The following FRAS1 variants were observed in gnomAD, a reference collection of about 807,000 sequenced individuals.
FRAS1 encodes Fraser extracellular matrix complex subunit 1, also known as extracellular matrix organizing protein FRAS1.
Under a neutral mutation model 435.2 loss-of-function variants are expected in FRAS1, and 290 were observed. The observed-to-expected ratio is 0.67, with a 90% CI of 0.61 to 0.73. The LOEUF (loss-of-function observed/expected upper bound fraction) is 0.73. Ranked by LOEUF, FRAS1 falls within the 30% of genes least tolerant of loss-of-function variation. FRAS1 has a pLI of 0.00. For missense variants in FRAS1, 4,860 were observed against 5,001.5 expected (o/e 0.97, Z 0.85); for synonymous variants, 1,800 against 1,851.0 (o/e 0.97, Z 0.71).
At chr4:78,123,729 C>T (rs1719168243) in intron 2 of FRAS1, among the ~76,000 whole-genome samples, 1 of 152,110 alleles carries the variant, frequency 6.6e-6, no homozygotes, top group South Asian at 2.1e-4. Context: ...ATTTTATTCT[C>T]TTAGTAGCAA....
At chr4:78,381,181 C>T (rs907655607) in intron 27 of FRAS1, among the ~76,000 whole-genome samples, 2 of 152,128 alleles carry the variant, frequency 1.3e-5, no homozygotes, top group African/African-American at 4.8e-5. Flanking sequence ...CTTCCATCCT[C>T]GAAGGACAAA....
At chr4:78,128,194 A>G (rs942135930) in intron 2 of FRAS1, among the ~76,000 whole-genome samples, 1 of 152,070 alleles carries the variant, frequency 6.6e-6, no homozygotes, top group African/African-American at 2.4e-5. Context: ...GCTATTGTGA[A>G]TAGTGCCACA....
At chr4:78,079,847 C>T (rs1740816440) in intron 2 of FRAS1, among the ~76,000 whole-genome samples, 1 of 152,120 alleles carries the variant, frequency 6.6e-6, no homozygotes, top group South Asian at 2.1e-4. Flanking sequence ...TGATTTACTA[C>T]ACAGCCAAGT....
At chr4:78,380,124 A>G in intron 27 of FRAS1, 128 bp downstream of exon 27, 1 of 968,694 alleles carries the variant, frequency 1.0e-6, no homozygotes, top group Non-Finnish European at 1.5e-6. Context: ...AATACTCCAC[A>G]AGCCCAAATA....
intron 2 of FRAS1, among the ~76,000 whole-genome samples, chr4:78,221,300 C>T (rs985131722): frequency 1.3e-5 from 2 of 152,130 alleles, no homozygotes; most frequent in African/African-American, 2.4e-5. Context: ...TTTTCCTCCT[C>T]TGTAAAACAT....
At chr4:78,217,599 T>C (rs1488257984) in intron 2 of FRAS1, among the ~76,000 whole-genome samples, 3 of 152,140 alleles carry the variant, frequency 2.0e-5, no homozygotes, top group Non-Finnish European at 4.4e-5. Flanking sequence ...TGCTTATACC[T>C]ATTTTTATTT....
intron 14 of FRAS1, among the ~76,000 whole-genome samples, chr4:78,299,531 G>A (rs533331679): frequency 2.0e-5 from 3 of 151,796 alleles, no homozygotes; most frequent in African/African-American, 7.3e-5. Flanking sequence ...GCATGTCTGC[G>A]CTGCTATTCA....
intron 2 of FRAS1, among the ~76,000 whole-genome samples, chr4:78,111,844 G>A (rs960887854): frequency 1.5e-4 from 23 of 151,186 alleles, no homozygotes; most frequent in East Asian, 1.2e-3. Flanking sequence ...AAGAAAAAAC[G>A]TAGAAAATAA....
In FRAS1 at chr4:78,319,669, C is replaced by T. The variant is rs115065700; in HGVS notation, c.2137+683C>T. On this transcript the variant is annotated intron_variant, in intron 18 of 73. Coordinates refer to ENST00000512123, the MANE Select transcript of FRAS1 (RefSeq NM_025074.7). ...ACACCCACTACCTAAACCCAATTGCCTTTTCCATTTTGTTATAATATCTGA... is the reference window on the plus strand; with the variant it reads ...ACACCCACTACCTAAACCCAATTGCTTTTTCCATTTTGTTATAATATCTGA... The T allele has an allele frequency of 5.2e-3, 1,260 of 243,228 alleles. 14 individuals carry two copies. The highest frequency in any genetic ancestry group is 0.026 in the African/African-American group (1,151 of 44,782). The allele number at this position is 243,228 out of a possible 1,614,324, so 15.1% of individuals were successfully genotyped here.
chr4:78,267,027 CAA>C (rs1325222334), intron 8 of FRAS1, 92 bp downstream of exon 8: 11 of 1,004,702 alleles, frequency 1.1e-5, no homozygotes, highest in Non-Finnish European at 1.5e-5. Context: ...TTGGGGGAAT[CAA>C]AAGTTTTATA....
At chr4:78,117,451 T>C (rs1182439977) in intron 2 of FRAS1, among the ~76,000 whole-genome samples, 1 of 152,202 alleles carries the variant, frequency 6.6e-6, no homozygotes, top group East Asian at 1.9e-4. Context: ...CCGTTCTCCC[T>C]GTCACTTTCA....
intron 2 of FRAS1, among the ~76,000 whole-genome samples, chr4:78,198,230 C>A (rs958635194): frequency 6.6e-6 from 1 of 152,148 alleles, no homozygotes; most frequent in Non-Finnish European, 1.5e-5. Context: ...AGGAGTGAGT[C>A]CCCCCTGACA....
At chr4:78,115,694 A>G (rs1009846291) in intron 2 of FRAS1, among the ~76,000 whole-genome samples, 2 of 151,754 alleles carry the variant, frequency 1.3e-5, no homozygotes, top group Admixed American at 6.6e-5. Flanking sequence ...TTCATTTTTT[A>G]TTGCATCTAT....
At position 78,507,408 on chromosome 4, in the gene FRAS1, G is replaced by C; in HGVS notation, c.9317-13G>C. On this transcript the variant is annotated splice_polypyrimidine_tract_variant and intron_variant, in intron 61 of 73. Coordinates refer to ENST00000512123, the MANE Select transcript of FRAS1 (RefSeq NM_025074.7). Reference sequence around the variant, plus strand: ...GAAGCCTTTGCTCTCTTTTTGTTCTGTCCTTGGCGAAGGTGTGGATCATAT... The same window carrying C: ...GAAGCCTTTGCTCTCTTTTTGTTCTCTCCTTGGCGAAGGTGTGGATCATAT... 1 of 1,603,054 alleles carries C rather than the reference G, an allele frequency of 6.2e-7. No individual in the cohort carries two copies. The highest frequency in any genetic ancestry group is 8.5e-7 in the Non-Finnish European group (1 of 1,176,052).
At chr4:78,290,803 CTTTT>C (rs56771542) in intron 14 of FRAS1, among the ~76,000 whole-genome samples, 25 of 121,810 alleles carry the variant, frequency 2.1e-4, no homozygotes, top group African/African-American at 5.2e-4. Flanking sequence ...TATTTATTGC[CTTTT>C]TTTTTTTTTT....
At chr4:78,211,618 C>T (rs1390493683) in intron 2 of FRAS1, among the ~76,000 whole-genome samples, 1 of 152,164 alleles carries the variant, frequency 6.6e-6, no homozygotes, top group Non-Finnish European at 1.5e-5. Context: ...GAAATTGTTT[C>T]ACTTCATCAA....
At chr4:78,114,674 A>C (rs376922282) in intron 2 of FRAS1, among the ~76,000 whole-genome samples, 1 of 145,130 alleles carries the variant, frequency 6.9e-6, no homozygotes. Context: ...TTGCACATTG[A>C]TTTTGTATCC....
At chr4:78,086,862 C>G (rs552192103) in intron 2 of FRAS1, among the ~76,000 whole-genome samples, 1 of 152,310 alleles carries the variant, frequency 6.6e-6, no homozygotes, top group South Asian at 2.1e-4. Flanking sequence ...GAGCTGGTAC[C>G]ATTCCTTCTG....
At position 78,284,402 on chromosome 4, in the gene FRAS1, C is replaced by A; in HGVS notation, c.1256-3C>A. The stretch of plus-strand genomic sequence containing the variant: ...TTCTCCCCTTCTTTGTCCTTGATTT[C>A]AGTTCATTGCCATCCAGATTGTTTG... On this transcript the variant is annotated splice_region_variant and splice_polypyrimidine_tract_variant and intron_variant, in intron 12 of 73. Coordinates refer to ENST00000512123, the MANE Select transcript of FRAS1 (RefSeq NM_025074.7). The A allele has an allele frequency of 1.9e-6, 3 of 1,613,734 alleles. No individual in the cohort carries two copies. Among genetic ancestry groups the A allele is most frequent in the Non-Finnish European group, 2.5e-6 (3 of 1,179,776 alleles).
Sources: allele counts gnomAD v4.1 joint callset (sites outside exome capture counted in the v4.1 genomes callset), GRCh38; gene constraint gnomAD v4.1.1; transcripts MANE v1.5; gene names NCBI Gene and HGNC (gene_info 2026-07-23, HGNC 2026-07-21).